The following L3MBTL4 variants were observed in gnomAD, a reference collection of about 807,000 sequenced individuals.
The protein encoded by L3MBTL4 is L3MBTL histone methyl-lysine binding protein 4.
Under a neutral mutation model 84.5 loss-of-function variants are expected in L3MBTL4, and 70 were observed. That is an observed-to-expected ratio of 0.83 (90% CI 0.68 to 1.01). The LOEUF (loss-of-function observed/expected upper bound fraction) is 1.01, where lower values mean the gene tolerates loss of function less well. Among genes scored for constraint, L3MBTL4 ranks in the 50% least tolerant of loss-of-function variants. The pLI is 0.00. For synonymous variants in L3MBTL4, 274 were observed against 259.8 expected (o/e 1.05, Z -0.52); for missense variants, 715 against 754.8 (o/e 0.95, Z 0.62).
At chr18:6,101,685 C>A (rs1382782115) in intron 14 of L3MBTL4, among the ~76,000 whole-genome samples, 1 of 152,178 alleles carries the variant, frequency 6.6e-6, no homozygotes, top group African/African-American at 2.4e-5. Context: ...CTAAGAGGTG[C>A]TCTGAATGGA....
chr18:6,158,565 T>C lies in L3MBTL4; in HGVS notation c.1096+13263A>G, dbSNP rs1354490385. On this transcript the variant is annotated intron_variant, in intron 13 of 18. Coordinates refer to ENST00000317931, the MANE Select transcript of L3MBTL4 (RefSeq NM_001330559.2). ...GTATGTGCACACTCCTCTCTTCTGTTTTCATTTACTCCCCCTCTGTTTTCA... is the reference window on the plus strand; with the variant it reads ...GTATGTGCACACTCCTCTCTTCTGTCTTCATTTACTCCCCCTCTGTTTTCA... Among the ~76,000 whole-genome samples the C allele has an allele frequency of 3.9e-5, 6 of 152,338 alleles. No individual in the cohort carries two copies. The East Asian group carries it at 9.6e-4, about 24-fold the overall frequency.
chr18:6,269,154 G>C (rs141925647), intron 4 of L3MBTL4, among the ~76,000 whole-genome samples: 12 of 152,318 alleles, frequency 7.9e-5, no homozygotes, highest in Admixed American at 3.9e-4. Context: ...TGGTGGCTTT[G>C]TAAATTTGAT....
At chr18:6,151,295 T>G (rs2042883750) in intron 13 of L3MBTL4, among the ~76,000 whole-genome samples, 1 of 152,210 alleles carries the variant, frequency 6.6e-6, no homozygotes, top group Non-Finnish European at 1.5e-5. Context: ...TTATGGTATT[T>G]GGGACAAAAA....
At chr18:6,338,947 A>G (rs2052474930) in intron 1 of L3MBTL4, among the ~76,000 whole-genome samples, 1 of 152,330 alleles carries the variant, frequency 6.6e-6, no homozygotes, top group South Asian at 2.1e-4. Context: ...ATAATCCCTT[A>G]TGAAAAAATA....
chr18:6,152,152 T>G (rs893204642), intron 13 of L3MBTL4, among the ~76,000 whole-genome samples: 3 of 152,204 alleles, frequency 2.0e-5, no homozygotes, highest in African/African-American at 7.2e-5. Flanking sequence ...TTAGGTAGAT[T>G]CCCTATCTTT....
chr18:6,030,375 T>C, intron 16 of L3MBTL4: 1 of 985,368 alleles, frequency 1.0e-6, no homozygotes, highest in Non-Finnish European at 1.2e-6. Flanking sequence ...CTGGGAGAAT[T>C]AGACTGTGAA....
At chr18:6,031,492 T>C (rs2055798503) in intron 16 of L3MBTL4, 1 of 985,338 alleles carries the variant, frequency 1.0e-6, no homozygotes, top group Non-Finnish European at 1.2e-6. Context: ...ATCTCATTTT[T>C]TTAAGTATTT....
intron 16 of L3MBTL4, among the ~76,000 whole-genome samples, chr18:6,026,132 A>G (rs2055495050): frequency 6.6e-6 from 1 of 152,178 alleles, no homozygotes; most frequent in Non-Finnish European, 1.5e-5. Flanking sequence ...TTCTTTCTAC[A>G]ATGAACATTC....
chr18:6,006,011 T>C (rs2054464594), intron 16 of L3MBTL4, among the ~76,000 whole-genome samples: 1 of 105,738 alleles, frequency 9.5e-6, no homozygotes, highest in Admixed American at 8.9e-5. Context: ...TTACCATAAT[T>C]TAAAAAAAAA....
intron 16 of L3MBTL4, among the ~76,000 whole-genome samples, chr18:6,001,074 G>C (rs1308337425): frequency 6.6e-6 from 1 of 152,232 alleles, no homozygotes; most frequent in African/African-American, 2.4e-5. Context: ...GCAGGCAGCT[G>C]TGCCAACAAT....
intron 1 of L3MBTL4, among the ~76,000 whole-genome samples, chr18:6,372,320 A>G (rs543229355): frequency 5.3e-5 from 8 of 152,292 alleles, no homozygotes; most frequent in African/African-American, 1.7e-4. Context: ...GGAAACTGAC[A>G]TAAATATGCC....
At chr18:6,311,730 A>G (rs541030969) in intron 2 of L3MBTL4, 74 bp from the exon 3 acceptor site, 5 of 821,162 alleles carry the variant, frequency 6.1e-6, no homozygotes, top group South Asian at 5.9e-5. Flanking sequence ...CAAACAAGAA[A>G]ATGCTTTCAA....
chr18:6,186,981 G>A (rs2044802034), intron 12 of L3MBTL4, among the ~76,000 whole-genome samples: 2 of 152,116 alleles, frequency 1.3e-5, no homozygotes, highest in Non-Finnish European at 2.9e-5. Context: ...TGTCCTGTGT[G>A]ATGCTAAGGC....
At chr18:6,208,116 AAAATAAATAAATAAAT>A (rs71163265) in intron 12 of L3MBTL4, among the ~76,000 whole-genome samples, 29 of 144,506 alleles carry the variant, frequency 2.0e-4, no homozygotes, top group South Asian at 1.1e-3. Flanking sequence ...CCCTGTCTAA[AAAATAAATAAATAAAT>A]AAATAAATAA....
intron 1 of L3MBTL4, among the ~76,000 whole-genome samples, chr18:6,371,261 C>T (rs2054149455): frequency 6.6e-6 from 1 of 152,242 alleles, no homozygotes; most frequent in Non-Finnish European, 1.5e-5. Flanking sequence ...CCCTGGCTTA[C>T]ACCTGTACTG....
At chr18:6,378,701 G>A (rs56283075) in intron 1 of L3MBTL4, among the ~76,000 whole-genome samples, 4,765 of 152,192 alleles carry the variant, frequency 0.031, 264 homozygotes, top group African/African-American at 0.11. Context: ...TACCAGTACC[G>A]TGCTGTTTTG....
At chr18:6,040,885 TAATA>T (rs1355691507) in intron 16 of L3MBTL4, among the ~76,000 whole-genome samples, 1 of 152,180 alleles carries the variant, frequency 6.6e-6, no homozygotes, top group Non-Finnish European at 1.5e-5. Context: ...TAAGTCAACA[TAATA>T]ATATATTTAC....
At chr18:6,252,403 T>C (rs2047962034) in intron 5 of L3MBTL4, among the ~76,000 whole-genome samples, 2 of 151,214 alleles carry the variant, frequency 1.3e-5, no homozygotes, top group African/African-American at 2.5e-5. Flanking sequence ...GATAAGCATA[T>C]GGTGTGTTTT....
chr18:6,148,588 G>A (rs959460980), intron 13 of L3MBTL4, among the ~76,000 whole-genome samples: 9 of 151,956 alleles, frequency 5.9e-5, no homozygotes, highest in African/African-American at 2.2e-4. Flanking sequence ...ACCATGCCCA[G>A]CTAATTTTTC....
Sources: allele counts gnomAD v4.1 joint callset (sites outside exome capture counted in the v4.1 genomes callset), GRCh38; gene constraint gnomAD v4.1.1; transcripts MANE v1.5; gene names NCBI Gene and HGNC (gene_info 2026-07-23, HGNC 2026-07-21).